Variants in KCNH1 observed in about 807,000 individuals in gnomAD.
KCNH1 encodes potassium voltage-gated channel subfamily H member 1.
KCNH1 carries 27 observed loss-of-function variants against 69.2 expected under a neutral mutation model. That is an observed-to-expected ratio of 0.39 (90% CI 0.29 to 0.54). The LOEUF (loss-of-function observed/expected upper bound fraction) is 0.54, where lower values mean the gene tolerates loss of function less well. Among genes scored for constraint, KCNH1 ranks in the 20% least tolerant of loss-of-function variants. The probability of loss-of-function intolerance (pLI) is 0.68; values close to 1 mark genes in which losing one functional copy is unlikely to be tolerated. For missense variants in KCNH1, 798 were observed against 1,261.6 expected (o/e 0.63, Z 5.57); for synonymous variants, 456 against 487.7 (o/e 0.93, Z 0.86).
intron 7 of KCNH1, among the ~76,000 whole-genome samples, chr1:210,848,410 G>A (rs1685607745): frequency 6.6e-6 from 1 of 152,140 alleles, no homozygotes; most frequent in Admixed American, 6.5e-5. Context: ...CATGTGAGTT[G>A]AGTTCTGTCA....
At chr1:210,800,038 T>G (rs1684399521) in intron 8 of KCNH1, among the ~76,000 whole-genome samples, 1 of 152,220 alleles carries the variant, frequency 6.6e-6, no homozygotes. Flanking sequence ...TATCTACCAG[T>G]ACACAGCCTG....
At chr1:210,756,704 C>T (rs1683407413) in intron 10 of KCNH1, among the ~76,000 whole-genome samples, 1 of 152,180 alleles carries the variant, frequency 6.6e-6, no homozygotes, top group Non-Finnish European at 1.5e-5. Context: ...AGTGAACTCA[C>T]TGGTGGCCCC....
chr1:210,847,646 G>A (rs1164254584), intron 7 of KCNH1, among the ~76,000 whole-genome samples: 3 of 151,278 alleles, frequency 2.0e-5, no homozygotes, highest in Non-Finnish European at 4.4e-5. Context: ...CGAGTTAATG[G>A]GTGCAGCACG....
chr1:210,954,275 G>C (rs1688121380), intron 6 of KCNH1, among the ~76,000 whole-genome samples: 1 of 152,150 alleles, frequency 6.6e-6, no homozygotes, highest in Admixed American at 6.5e-5. Flanking sequence ...TGGTGTATAT[G>C]TGCCACATTT....
Position 210,920,081 on chromosome 1 carries a change from G to A in KCNH1, c.1033-12C>T. The A allele has an allele frequency of 6.2e-7, 1 of 1,607,880 alleles. No individual in the cohort carries two copies. Among genetic ancestry groups the A allele is most frequent in the South Asian group, 1.1e-5 (1 of 90,952 alleles). On this transcript the variant is annotated splice_polypyrimidine_tract_variant and intron_variant, in intron 6 of 10. Coordinates refer to ENST00000271751, the MANE Select transcript of KCNH1 (RefSeq NM_172362.3). ...AGGCTGCTGATGCCCTGGGAGAAGA[G>A]GAACACAGCGTCAGGGCCAAAGAAC...
chr1:210,766,575 T>C (rs1325356155), intron 10 of KCNH1, among the ~76,000 whole-genome samples: 1 of 152,244 alleles, frequency 6.6e-6, no homozygotes, highest in Non-Finnish European at 1.5e-5. Flanking sequence ...TTGTTGCTAA[T>C]TGGATTAAAA....
intron 1 of KCNH1, among the ~76,000 whole-genome samples, chr1:211,125,430 A>G (rs2102501004): frequency 6.6e-6 from 1 of 152,358 alleles, no homozygotes; most frequent in East Asian, 1.9e-4. Flanking sequence ...CTGAGAGGAA[A>G]AGAAAGCAAA....
intron 7 of KCNH1, among the ~76,000 whole-genome samples, chr1:210,899,325 T>A (rs1686942299): frequency 6.6e-6 from 1 of 152,168 alleles, no homozygotes; most frequent in African/African-American, 2.4e-5. Context: ...AAAAAGATTT[T>A]CAAAGTCTAA....
At chr1:210,997,889 A>T (rs527932000) in intron 6 of KCNH1, among the ~76,000 whole-genome samples, 21 of 152,382 alleles carry the variant, frequency 1.4e-4, no homozygotes, top group African/African-American at 5.0e-4. Context: ...TTTTCAGCGC[A>T]GAATTTCATA....
intron 6 of KCNH1, among the ~76,000 whole-genome samples, chr1:210,935,137 C>T (rs1342067389): frequency 3.0e-5 from 4 of 131,910 alleles, no homozygotes; most frequent in African/African-American, 1.2e-4. Flanking sequence ...CACACACACA[C>T]ACACACACAC....
At chr1:210,861,507 A>G (rs573485044) in intron 7 of KCNH1, 47 of 773,988 alleles carry the variant, frequency 6.1e-5, no homozygotes, top group South Asian at 4.8e-4. Flanking sequence ...TTGCATTTCC[A>G]TTATGATAAC....
At chr1:210,863,706 G>C (rs1686033417) in intron 7 of KCNH1, among the ~76,000 whole-genome samples, 1 of 152,188 alleles carries the variant, frequency 6.6e-6, no homozygotes, top group Non-Finnish European at 1.5e-5. Context: ...GGGAAAGTCA[G>C]GTGCTGAGGC....
At chr1:211,061,100 G>A (rs1690425946) in intron 5 of KCNH1, among the ~76,000 whole-genome samples, 1 of 152,014 alleles carries the variant, frequency 6.6e-6, no homozygotes, top group Non-Finnish European at 1.5e-5. Context: ...GCATTAAAAA[G>A]GTCATTCATC....
At chr1:211,072,719 T>G (rs1690669847) in intron 5 of KCNH1, among the ~76,000 whole-genome samples, 1 of 152,188 alleles carries the variant, frequency 6.6e-6, no homozygotes, top group African/African-American at 2.4e-5. Flanking sequence ...AAAAAAATTT[T>G]TTTTGCATTT....
At chr1:210,998,156 T>A (rs1011193533) in intron 6 of KCNH1, among the ~76,000 whole-genome samples, 4 of 152,126 alleles carry the variant, frequency 2.6e-5, no homozygotes, top group African/African-American at 9.7e-5. Flanking sequence ...AAATACTGCA[T>A]AACAATATTA....
chr1:210,897,977 C>T (rs1686906956), intron 7 of KCNH1, among the ~76,000 whole-genome samples: 1 of 152,172 alleles, frequency 6.6e-6, no homozygotes, highest in South Asian at 2.1e-4. Flanking sequence ...TGTGTAGTGG[C>T]TGGCCAGGAC....
intron 7 of KCNH1, among the ~76,000 whole-genome samples, chr1:210,917,237 A>AAGAAAGAAAGAG (rs1687360335): frequency 7.6e-6 from 1 of 131,730 alleles, no homozygotes; most frequent in Non-Finnish European, 1.6e-5. Flanking sequence ...GAGAGAAAGA[A>AAGAAAGAAAGAG]AGAAAGAAAG....
rs1289068685 is a variant in KCNH1 at position 210,718,338 on chromosome 1, GTATA to G, written c.2113-34204_2113-34201del. 9.4e-4 allele frequency among the ~76,000 whole-genome samples: 11 copies of G among 11,740 alleles called. 2 individuals are homozygous for G. The South Asian group carries it at 0.026, about 27-fold the overall frequency. The allele number at this position is 11,740 out of a possible 152,430, so 7.7% of individuals were successfully genotyped here. On this transcript the variant is annotated intron_variant, in intron 10 of 10. Coordinates refer to ENST00000271751, the MANE Select transcript of KCNH1 (RefSeq NM_172362.3). ...TGTATATAAATATATATAAATATATGTATATATGTATATATACATATATTTATAT... is the reference window on the plus strand; with the variant it reads ...TGTATATAAATATATATAAATATATGTATGTATATATACATATATTTATAT...
At chr1:210,993,740 A>G (rs894783911) in intron 6 of KCNH1, among the ~76,000 whole-genome samples, 8 of 152,216 alleles carry the variant, frequency 5.3e-5, no homozygotes, top group African/African-American at 1.9e-4. Flanking sequence ...AGAATTATCT[A>G]AGCTAAATTT....
Sources: gnomAD v4.1 joint callset for allele counts (sites outside exome capture counted in the v4.1 genomes callset) on GRCh38, gnomAD v4.1.1 for gene constraint, MANE v1.5 for transcripts, NCBI Gene and HGNC (gene_info 2026-07-23, HGNC 2026-07-21) for gene names.